ELP3: variants seen among roughly 807,000 people sequenced by gnomAD.
ELP3 encodes the protein elongator acetyltransferase complex subunit 3.
A neutral mutation model predicts 74.9 loss-of-function variants in ELP3; 56 were observed. That is an observed-to-expected ratio of 0.75 (90% CI 0.60 to 0.93). The LOEUF is 0.93. Among genes scored for constraint, ELP3 ranks in the 40% least tolerant of loss-of-function variants. The pLI, the probability that ELP3 is intolerant of heterozygous loss-of-function variation, is 0.00. For missense variants in ELP3, 573 were observed against 686.5 expected (o/e 0.83, Z 1.85); for synonymous variants, 222 against 239.8 (o/e 0.93, Z 0.68).
At chr8:28,090,903 CCTT>C (rs1398270243), upstream of ELP3, among the ~76,000 whole-genome samples, 9 of 53,140 alleles carry the variant, frequency 1.7e-4, no homozygotes, top group Admixed American at 2.9e-4. Flanking sequence ...GTAAATGTTT[CCTT>C]TTTTTTTTTT....
intron 14 of ELP3, among the ~76,000 whole-genome samples, chr8:28,163,454 T>C (rs1814181420): frequency 6.6e-6 from 1 of 151,800 alleles, no homozygotes; most frequent in African/African-American, 2.4e-5. Context: ...GAAAATGTAA[T>C]GACTCAGGCT....
At chr8:28,116,123 G>A (rs1367650035) in intron 7 of ELP3, among the ~76,000 whole-genome samples, 4 of 152,076 alleles carry the variant, frequency 2.6e-5, no homozygotes, top group Non-Finnish European at 2.9e-5. Context: ...TGGAATTGGG[G>A]GCAGCCACAT....
At chr8:28,106,288 C>T (rs1377291272) in intron 3 of ELP3, among the ~76,000 whole-genome samples, 1 of 152,090 alleles carries the variant, frequency 6.6e-6, no homozygotes, top group African/African-American at 2.4e-5. Flanking sequence ...CGCCTGTAAT[C>T]CCAGCACTTT....
intron 4 of ELP3, among the ~76,000 whole-genome samples, chr8:28,107,643 A>G (rs531150568): frequency 1.3e-5 from 2 of 152,310 alleles, no homozygotes. Flanking sequence ...CATTTCTGTT[A>G]TTTGCCCCTA....
intron 7 of ELP3, 178 bp from the exon 8 acceptor site, chr8:28,129,324 C>T: frequency 1.6e-6 from 1 of 607,714 alleles, no homozygotes; most frequent in Non-Finnish European, 2.9e-6. Flanking sequence ...TTAATAGCAT[C>T]CCCATGTGCA....
upstream of ELP3, chr8:28,090,484 T>TGG (rs1473411761): frequency 3.9e-4 from 57 of 144,584 alleles, no homozygotes; most frequent in Non-Finnish European, 7.6e-4. Context: ...GATGGGTGGG[T>TGG]GTGTGTGTGT....
intron 5 of ELP3, among the ~76,000 whole-genome samples, chr8:28,109,751 G>T (rs141143271): frequency 8.5e-4 from 130 of 152,308 alleles, no homozygotes; most frequent in African/African-American, 7.2e-4. Flanking sequence ...TAAGTACTAT[G>T]TGTGGAATTT....
chr8:28,146,321 A>T (rs751378129), intron 10 of ELP3, among the ~76,000 whole-genome samples: 13 of 152,222 alleles, frequency 8.5e-5, no homozygotes, highest in Admixed American at 1.3e-4. Flanking sequence ...TTAAATCATC[A>T]TGAAACATTA....
At chr8:28,131,946 GCTAAACCAAA>G (rs1406488014) in intron 8 of ELP3, among the ~76,000 whole-genome samples, 2 of 152,166 alleles carry the variant, frequency 1.3e-5, no homozygotes, top group Non-Finnish European at 2.9e-5. Flanking sequence ...GACTGGTGAT[GCTAAACCAAA>G]TAATTTTAAT....
chr8:28,142,864 AT>A lies in ELP3; in HGVS notation c.1100+4983del, dbSNP rs34494930. Among the ~76,000 whole-genome samples, 547 of 148,360 alleles carry A rather than the reference AT, an allele frequency of 3.7e-3. 4 individuals are homozygous for A. Among genetic ancestry groups the A allele is most frequent in the East Asian group, 0.011 (54 of 5,098 alleles). On this transcript the variant is annotated intron_variant, in intron 10 of 14. Transcript: ENST00000256398. ...GTCACACACGTTTCTGTTAGAATTC[AT>A]TTTTTTTTTAACGTACCTTACTGTG... is the stretch of plus-strand genomic sequence containing the variant.
chr8:28,123,828 G>GTCACAGCC (rs113686962), intron 7 of ELP3, among the ~76,000 whole-genome samples: 87,336 of 151,320 alleles, frequency 0.58, 26,957 homozygotes, highest in East Asian at 0.9. Flanking sequence ...TAATTTAGCC[G>GTCACAGCC]TCATGTGCTT....
chr8:28,176,934 G>GA (rs146886456), intron 14 of ELP3, among the ~76,000 whole-genome samples: 190 of 152,122 alleles, frequency 1.2e-3, no homozygotes, highest in Admixed American at 4.3e-3. Flanking sequence ...CTCCCTGAAA[G>GA]AAAAAAACTC....
At chr8:28,099,724 A>G in intron 2 of ELP3, 104 bp from the exon 3 acceptor site, 2 of 1,251,992 alleles carry the variant, frequency 1.6e-6, no homozygotes, top group East Asian at 2.3e-5. Context: ...TGGTGAAGGG[A>G]TTGGAGAGTG....
At chr8:28,123,943 CT>C (rs371789579) in intron 7 of ELP3, among the ~76,000 whole-genome samples, 6,125 of 144,508 alleles carry the variant, frequency 0.042, 402 homozygotes, top group African/African-American at 0.14. Flanking sequence ...GTAATTGGCT[CT>C]TTTTTTTTTT....
intron 10 of ELP3, among the ~76,000 whole-genome samples, chr8:28,149,534 A>T (rs904085026): frequency 4.6e-5 from 7 of 151,958 alleles, no homozygotes; most frequent in Non-Finnish European, 8.8e-5. Flanking sequence ...CTCCTCTTTC[A>T]CTTCTGATAC....
chr8:28,131,626 G>A (rs1812788714), intron 8 of ELP3, among the ~76,000 whole-genome samples: 1 of 152,172 alleles, frequency 6.6e-6, no homozygotes, highest in Non-Finnish European at 1.5e-5. Context: ...CAGTTTAGTT[G>A]CCCAAAACTA....
At chr8:28,175,399 T>C (rs1318178618) in intron 14 of ELP3, among the ~76,000 whole-genome samples, 1 of 152,204 alleles carries the variant, frequency 6.6e-6, no homozygotes, top group Non-Finnish European at 1.5e-5. Flanking sequence ...TGCCTCCTCT[T>C]AACTGCCATT....
chr8:28,097,455 C>T, intron 2 of ELP3, 137 bp downstream of exon 2: 1 of 527,876 alleles, frequency 1.9e-6, no homozygotes, highest in Non-Finnish European at 3.3e-6. Flanking sequence ...CCTTGTCATT[C>T]ATTTCTTTTT....
At chr8:28,103,085 G>A (rs1361284694) in intron 3 of ELP3, among the ~76,000 whole-genome samples, 1 of 152,164 alleles carries the variant, frequency 6.6e-6, no homozygotes, top group East Asian at 1.9e-4. Context: ...CAGGAGAATA[G>A]TTTGAACCCA....
Sources: gnomAD v4.1 joint callset for allele counts (sites outside exome capture counted in the v4.1 genomes callset) on GRCh38, gnomAD v4.1.1 for gene constraint, MANE v1.5 for transcripts, NCBI Gene and HGNC (gene_info 2026-07-23, HGNC 2026-07-21) for gene names.